Variants in IQCJ observed in about 807,000 individuals in gnomAD.
The protein encoded by IQCJ is IQ domain-containing protein J.
A neutral mutation model predicts 11.0 loss-of-function variants in IQCJ; 9 were observed. The observed-to-expected ratio is 0.82, with a 90% CI of 0.49 to 1.43. IQCJ has a LOEUF of 1.43. IQCJ is among the 40% of genes most tolerant of loss of function. IQCJ has a pLI of 0.00. For synonymous variants in IQCJ, 55 were observed against 51.3 expected, an observed-to-expected ratio of 1.07 and a Z score of -0.31; for missense variants, 146 against 133.2, an observed-to-expected ratio of 1.10 and a Z score of -0.47.
intron 1 of IQCJ, among the ~76,000 whole-genome samples, chr3:159,092,699 A>AACACACACAAACACACAC (rs1553775250): frequency 1.4e-5 from 2 of 141,600 alleles, no homozygotes; most frequent in African/African-American, 5.6e-5. Flanking sequence ...CTCCATCACA[A>AACACACACAAACACACAC]ACACACACAC....
chr3:159,182,596 C>G (rs1313694589), intron 1 of IQCJ, among the ~76,000 whole-genome samples: 3 of 151,784 alleles, frequency 2.0e-5, no homozygotes, highest in Non-Finnish European at 4.4e-5. Flanking sequence ...GCTCACAACT[C>G]TAAGGGGGTG....
chr3:159,126,576 A>G (rs1019869217), intron 1 of IQCJ, among the ~76,000 whole-genome samples: 49 of 152,204 alleles, frequency 3.2e-4, no homozygotes, highest in African/African-American at 1.1e-3. Context: ...AGGACAGGGT[A>G]GGTTCTGAAT....
At chr3:159,211,938 T>C (rs1724979034) in intron 1 of IQCJ, among the ~76,000 whole-genome samples, 1 of 151,926 alleles carries the variant, frequency 6.6e-6, no homozygotes, top group African/African-American at 2.4e-5. Context: ...ATGTATGTGG[T>C]GGACGGTGTG....
intron 1 of IQCJ, among the ~76,000 whole-genome samples, chr3:159,074,080 A>C (rs1715757871): frequency 6.6e-6 from 1 of 152,042 alleles, no homozygotes; most frequent in Non-Finnish European, 1.5e-5. Flanking sequence ...GCAAAAGTAA[A>C]TTGGAGCTGG....
chr3:159,131,569 A>G (rs1719989985), intron 1 of IQCJ, among the ~76,000 whole-genome samples: 1 of 152,052 alleles, frequency 6.6e-6, no homozygotes, highest in Non-Finnish European at 1.5e-5. Context: ...AGATGGTGCA[A>G]TTCTCACTGA....
At chr3:159,234,044 G>A in intron 1 of IQCJ, among the ~76,000 whole-genome samples, 1 of 152,158 alleles carries the variant, frequency 6.6e-6, no homozygotes, top group Non-Finnish European at 1.5e-5. Context: ...TCACACTGGT[G>A]TAAGTCCCAA....
intron 1 of IQCJ, among the ~76,000 whole-genome samples, chr3:159,211,672 T>C (rs1724960760): frequency 6.6e-6 from 1 of 152,104 alleles, no homozygotes; most frequent in Non-Finnish European, 1.5e-5. Context: ...AGACCATGAG[T>C]CTGTTTAAAT....
chr3:159,204,084 C>T (rs1191322781), intron 1 of IQCJ, among the ~76,000 whole-genome samples: 1 of 152,190 alleles, frequency 6.6e-6, no homozygotes, highest in Non-Finnish European at 1.5e-5. Context: ...GAGTCTCCAC[C>T]TATGAAAGGC....
intron 1 of IQCJ, among the ~76,000 whole-genome samples, chr3:159,174,183 T>G (rs1722647963): frequency 6.6e-6 from 1 of 152,170 alleles, no homozygotes; most frequent in South Asian, 2.1e-4. Context: ...TGTATTCTCT[T>G]GTTCTTGTTT....
Position 159,090,104 on chromosome 3 carries a change from G to A in IQCJ, c.9+20663G>A, listed in dbSNP as rs533449645. On this transcript the variant is annotated intron_variant, in intron 1 of 3. Coordinates refer to ENST00000397832, the MANE Select transcript of IQCJ (RefSeq NM_001042706.3). ...GATGTAAAGATGGGTTTTTGGTGTG[G>A]ATGTCCTTTCTGTTTGTTAGTTTTC... is the stretch of plus-strand genomic sequence containing the variant. 5.9e-5 allele frequency among the ~76,000 whole-genome samples: 9 copies of A among 151,748 alleles called. No homozygotes were observed. The East Asian group carries it at 1.7e-3, about 29-fold the overall frequency.
chr3:159,071,942 G>C (rs1715591281), intron 1 of IQCJ, among the ~76,000 whole-genome samples: 1 of 152,026 alleles, frequency 6.6e-6, no homozygotes, highest in Non-Finnish European at 1.5e-5. Flanking sequence ...CTCACATATA[G>C]AATGAAGACA....
intron 1 of IQCJ, among the ~76,000 whole-genome samples, chr3:159,082,446 C>A (rs1346452892): frequency 6.6e-6 from 1 of 151,126 alleles, no homozygotes; most frequent in Non-Finnish European, 1.5e-5. Flanking sequence ...GGATGCAATT[C>A]TTCCTGGGAA....
chr3:159,166,883 G>A (rs550048490), intron 1 of IQCJ, among the ~76,000 whole-genome samples: 6 of 152,286 alleles, frequency 3.9e-5, no homozygotes, highest in South Asian at 2.1e-4. Flanking sequence ...GGGAGTGGCC[G>A]CTGGTAAGCT....
intron 1 of IQCJ, among the ~76,000 whole-genome samples, chr3:159,197,619 G>A (rs116472881): frequency 3.0e-4 from 45 of 152,242 alleles, no homozygotes; most frequent in Admixed American, 9.8e-4. Flanking sequence ...CAAATAAAAA[G>A]TCTAGTTATA....
intron 1 of IQCJ, among the ~76,000 whole-genome samples, chr3:159,221,848 T>C (rs1288050275): frequency 6.6e-6 from 1 of 150,654 alleles, no homozygotes; most frequent in Non-Finnish European, 1.5e-5. Context: ...GAAATTGTAT[T>C]AGAATTGAAC....
chr3:159,124,579 G>T (rs1275376820), intron 1 of IQCJ, among the ~76,000 whole-genome samples: 2 of 152,056 alleles, frequency 1.3e-5, no homozygotes, highest in Non-Finnish European at 2.9e-5. Flanking sequence ...TGCCATCATA[G>T]CACCCTATGA....
chr3:159,133,153 A>G (rs1720090940), intron 1 of IQCJ, among the ~76,000 whole-genome samples: 1 of 152,224 alleles, frequency 6.6e-6, no homozygotes, highest in Non-Finnish European at 1.5e-5. Context: ...TTTATTCACC[A>G]GGTATTATTG....
At chr3:159,101,221 T>C (rs1158642443) in intron 1 of IQCJ, among the ~76,000 whole-genome samples, 1 of 148,628 alleles carries the variant, frequency 6.7e-6, no homozygotes, top group Non-Finnish European at 1.5e-5. Context: ...CTCGCCCTGC[T>C]TCGGCTCGCG....
chr3:159,140,916 C>G (rs1720566060), intron 1 of IQCJ, among the ~76,000 whole-genome samples: 1 of 152,184 alleles, frequency 6.6e-6, no homozygotes. Context: ...AAGAGCCCTG[C>G]ACTTTTCATA....
Sources: allele counts gnomAD v4.1 joint callset (sites outside exome capture counted in the v4.1 genomes callset), GRCh38; gene constraint gnomAD v4.1.1; transcripts MANE v1.5; gene names NCBI Gene and HGNC (gene_info 2026-07-23, HGNC 2026-07-21).